The following HIVEP2 variants were observed in gnomAD, a reference collection of about 807,000 sequenced individuals.
The protein encoded by HIVEP2 is HIVEP zinc finger 2.
Under a neutral mutation model 180.7 loss-of-function variants are expected in HIVEP2, and 14 were observed. The ratio of observed to expected loss-of-function variants is 0.08; its 90% CI spans 0.05 to 0.12. The LOEUF (loss-of-function observed/expected upper bound fraction) is 0.12. Ranked by LOEUF, HIVEP2 falls within the 10% of genes least tolerant of loss-of-function variation. HIVEP2 has a pLI of 1.00. For missense variants in HIVEP2, 2,579 were observed against 3,008.5 expected, an observed-to-expected ratio of 0.86 and a Z score of 3.34; for synonymous variants, 1,184 against 1,136.4, an observed-to-expected ratio of 1.04 and a Z score of -0.84.
chr6:142,931,861 T>A (rs1272179558), intron 1 of HIVEP2, among the ~76,000 whole-genome samples: 1 of 152,210 alleles, frequency 6.6e-6, no homozygotes, highest in African/African-American at 2.4e-5. Flanking sequence ...CCCCTTAAGC[T>A]GGAATATGAG....
At chr6:142,837,133 AGTATTATGATAT>A (rs2114880696) in intron 1 of HIVEP2, 86 bp from the exon 2 acceptor site, 1 of 152,282 alleles carries the variant, frequency 6.6e-6, no homozygotes, top group East Asian at 1.9e-4. Flanking sequence ...TCAAATCCAG[AGTATTATGATAT>A]TATACTATCT....
chr6:142,786,244 G>T (rs1775994543), intron 2 of HIVEP2, among the ~76,000 whole-genome samples: 1 of 152,052 alleles, frequency 6.6e-6, no homozygotes, highest in South Asian at 2.1e-4. Flanking sequence ...TTAAAGAAAT[G>T]GACTAAAGGA....
At chr6:142,757,044 G>A (rs1052416859) in intron 9 of HIVEP2, among the ~76,000 whole-genome samples, 5 of 152,138 alleles carry the variant, frequency 3.3e-5, no homozygotes, top group Non-Finnish European at 5.9e-5. Context: ...ACATATATAT[G>A]CACATACACT....
chr6:142,822,344 A>G (rs1259065237), intron 2 of HIVEP2, among the ~76,000 whole-genome samples: 1 of 152,260 alleles, frequency 6.6e-6, no homozygotes, highest in African/African-American at 2.4e-5. Context: ...AAACTTGTTG[A>G]TAGTAATATA....
chr6:142,884,009 A>C (rs543813103), intron 1 of HIVEP2, among the ~76,000 whole-genome samples: 1 of 152,296 alleles, frequency 6.6e-6, no homozygotes, highest in South Asian at 2.1e-4. Flanking sequence ...CTAAAATTGA[A>C]ATAATATGAC....
rs1775654412 is a variant in HIVEP2 at position 142,850,952 on chromosome 6, G to C, written c.-640-13905C>G. On this transcript the variant is annotated intron_variant, in intron 1 of 9. Transcript: ENST00000367603. ...AAAAATGTTAGTTTTACAGTCTGGT[G>C]GTTTGTGTTGTATGATCATAATGGA... Among the ~76,000 whole-genome samples, 3 of 152,182 alleles carry C rather than the reference G, an allele frequency of 2.0e-5. 1 individual carries two copies. In the South Asian group the frequency reaches 6.2e-4, roughly 32 times the overall value.
At chr6:142,941,669 G>T (rs906849064) in intron 1 of HIVEP2, among the ~76,000 whole-genome samples, 2 of 152,146 alleles carry the variant, frequency 1.3e-5, no homozygotes, top group Admixed American at 1.3e-4. Context: ...TGGGTTTGAA[G>T]TTCCTTATGA....
In HIVEP2 at chr6:142,774,525, G is replaced by C; in HGVS notation, c.214C>G (p.Pro72Ala). ...QLFGSGKLAS[P>A]SEVVQQVAEK... ...GCGACTTGCTGCACCACTTCACTAGGGGAGGCCAGTTTCCCAGAACCAAAC... is the reference window on the plus strand; with the variant it reads ...GCGACTTGCTGCACCACTTCACTAGCGGAGGCCAGTTTCCCAGAACCAAAC... The change falls in exon 5 of 10, where the codon CCT becomes GCT. Residue 72 changes from proline (P) to alanine (A), a missense_variant. Pro to Ala is a conservative substitution (Grantham distance 27). Around this residue, in one of 11 missense-constraint regions of HIVEP2, gnomAD observed 207 missense variants for 210.1 expected, o/e 0.99. Transcript: ENST00000367603. This position sits in a 1 kb window ranked among gnomAD's most constrained non-coding sequence, Gnocchi z 5.1. 2 of 1,614,164 alleles carry C rather than the reference G, an allele frequency of 1.2e-6. No homozygotes were observed. The highest frequency in any genetic ancestry group is 2.2e-5 in the East Asian group (1 of 44,886).
At chr6:142,764,702 A>G in intron 7 of HIVEP2, 97 bp downstream of exon 7, 1 of 881,606 alleles carries the variant, frequency 1.1e-6, no homozygotes, top group Non-Finnish European at 1.8e-6. Flanking sequence ...CAAACAAACT[A>G]TCTTTATTGT....
chr6:142,885,358 CCAT>C (rs1156242157), intron 1 of HIVEP2, among the ~76,000 whole-genome samples: 1 of 152,034 alleles, frequency 6.6e-6, no homozygotes, highest in Non-Finnish European at 1.5e-5. Flanking sequence ...CGTCCCTCCC[CCAT>C]CATCGCTGGA....
In HIVEP2 at chr6:142,761,448, T is replaced by C; in HGVS notation, c.5620+16A>G. ...CATAATGAAGAGGTCTGTCAACTCA[T>C]TTATGACATACACACCTGCTTCCTC... is the stretch of plus-strand genomic sequence containing the variant. On this transcript the variant is annotated intron_variant, in intron 8 of 9. Transcript: ENST00000367603. 7.5e-7 allele frequency: 1 copy of C among 1,339,370 alleles called. No homozygotes were observed. Among genetic ancestry groups the C allele is most frequent in the Non-Finnish European group, 1.1e-6 (1 of 929,126 alleles). 83.0% of individuals were successfully genotyped at this position (1,339,370 alleles called of 1,614,324 possible). A position where few individuals can be genotyped will look rare whatever the true frequency, so the allele number is the denominator to read the frequency against.
intron 3 of HIVEP2, among the ~76,000 whole-genome samples, chr6:142,783,208 G>T (rs1775898961): frequency 1.3e-5 from 2 of 150,940 alleles, no homozygotes; most frequent in African/African-American, 2.4e-5. Flanking sequence ...GGTGCCTGTA[G>T]TCCCAGCTAC....
chr6:142,768,567 A>G (rs1457743824), intron 5 of HIVEP2, 31 bp from the exon 6 acceptor site: 5 of 1,608,210 alleles, frequency 3.1e-6, no homozygotes, highest in African/African-American at 2.7e-5. Context: ...ATCATTTCAC[A>G]TGCTTTCTCC....
chr6:142,920,436 A>C (rs372187853), intron 1 of HIVEP2, among the ~76,000 whole-genome samples: 3 of 152,148 alleles, frequency 2.0e-5, no homozygotes, highest in Admixed American at 6.6e-5. Flanking sequence ...GTATGTATTA[A>C]AGACCTCCTC....
chr6:142,913,832 C>T (rs1032832062), intron 1 of HIVEP2, among the ~76,000 whole-genome samples: 6 of 152,170 alleles, frequency 3.9e-5, no homozygotes, highest in African/African-American at 9.7e-5. Context: ...ATTTCTTCAT[C>T]GTCAACATTC....
chr6:142,878,683 A>T (rs1388289233), intron 1 of HIVEP2, among the ~76,000 whole-genome samples: 1 of 152,122 alleles, frequency 6.6e-6, no homozygotes, highest in Non-Finnish European at 1.5e-5. Context: ...GCTTTTCCCA[A>T]TCTAAGGGAA....
intron 1 of HIVEP2, among the ~76,000 whole-genome samples, chr6:142,897,971 T>C (rs1159852193): frequency 1.3e-5 from 2 of 152,146 alleles, no homozygotes; most frequent in African/African-American, 4.8e-5. Flanking sequence ...AGTACACACC[T>C]GCTCTCAACA....
rs2114654666 is a variant in HIVEP2, at chr6:142,772,063, T to G, written c.2676A>C (p.Arg892=). The change falls in exon 5 of 10, where the codon CGA becomes CGC. Residue 892 remains arginine (R), a synonymous_variant. Transcript: ENST00000367603. This position sits in a 1 kb window ranked among gnomAD's most constrained non-coding sequence, Gnocchi z 4.9. ...CAGGTTTATCAGGCTCCTCGGTCACTCGAATCTCAGGAACCTGGATGTTGT... is the reference window on the plus strand; with the variant it reads ...CAGGTTTATCAGGCTCCTCGGTCACGCGAATCTCAGGAACCTGGATGTTGT... The part of the protein sequence containing the change: ...RQHNIQVPEI[R]VTEEPDKPEK... The G allele has an allele frequency of 1.9e-6, 3 of 1,614,174 alleles. No individual in the cohort carries two copies. In the East Asian group the frequency reaches 6.7e-5, roughly 36 times the overall value.
chr6:142,828,327 T>A (rs1774969858), intron 2 of HIVEP2, among the ~76,000 whole-genome samples: 1 of 152,176 alleles, frequency 6.6e-6, no homozygotes, highest in Admixed American at 6.5e-5. Context: ...TTTCCCCCAA[T>A]AAACTTCCCC....
Sources: allele counts gnomAD v4.1 joint callset (sites outside exome capture counted in the v4.1 genomes callset), GRCh38; gene constraint gnomAD v4.1.1; regional missense constraint gnomAD v4.1.1; non-coding constraint Gnocchi (gnomAD v3.1); transcripts MANE v1.5; gene names NCBI Gene and HGNC (gene_info 2026-07-23, HGNC 2026-07-21).